The following FAAP100 variants were observed in gnomAD, a reference collection of about 807,000 sequenced individuals.
FAAP100 encodes FA core complex associated protein 100, also known as Fanconi anemia core complex-associated protein 100.
FAAP100 carries 46 observed loss-of-function variants against 65.8 expected under a neutral mutation model. The observed-to-expected ratio is 0.70, with a 90% confidence interval of 0.55 to 0.89. FAAP100 has a LOEUF of 0.89. Among genes scored for constraint, FAAP100 ranks in the 40% least tolerant of loss-of-function variants. FAAP100 has a pLI of 0.00. For missense variants in FAAP100, 1,165 were observed against 1,196.7 expected (o/e 0.97, Z 0.39); for synonymous variants, 663 against 555.1 (o/e 1.19, Z -2.73).
At position 81,549,288 on chromosome 17, in the gene FAAP100, GC is replaced by G; in HGVS notation, c.1320del (p.Met440IlefsTer7). 6.2e-7 allele frequency: 1 copy of G among 1,613,092 alleles called. No individual in the cohort carries two copies. Among genetic ancestry groups the G allele is most frequent in the South Asian group, 1.1e-5 (1 of 91,084 alleles). On this transcript the variant is annotated frameshift_variant, in exon 4 of 9. Transcript: ENST00000327787. LOFTEE classifies it high-confidence loss of function. ...TCTGTGGTCATCCTGGCTGGGCCAG[GC>G]ATCTCAGAGTCCAGGTCCAGGCTGC... ...MTCSLDLDSE[M>X]PGPARMTTES...
In FAAP100 at chr17:81,547,002, C is replaced by T. The variant is rs74818865; in HGVS notation, c.2080G>A (p.Ala694Thr). 49 of 1,526,092 alleles carry T rather than the reference C, an allele frequency of 3.2e-5. No individual in the cohort carries two copies. Among genetic ancestry groups the T allele is most frequent in the Non-Finnish European group, 4.3e-5 (49 of 1,136,680 alleles). 94.5% of individuals were successfully genotyped at this position (1,526,092 alleles called of 1,614,324 possible). ...REPGSQPAGP[A>T]SLRAEYLPPS... The stretch of plus-strand genomic sequence containing the variant: ...GGCAGGTACTCGGCCCGCAGGGAGG[C>T]GGGTCCTGCTGGCTGGCTGCCAGGC... Residue 694 changes from alanine to threonine, a missense_variant, in exon 5 of 9, where the codon GCC (alanine) becomes ACC (threonine). Ala to Thr is a moderately conservative substitution (Grantham distance 58). Coordinates refer to ENST00000327787, the MANE Select transcript of FAAP100 (RefSeq NM_025161.6).
At chr17:81,543,936 G>C in intron 7 of FAAP100, 68 bp downstream of exon 7, 1 of 1,423,992 alleles carries the variant, frequency 7.0e-7, no homozygotes, top group South Asian at 1.2e-5. Flanking sequence ...GCAGCTACAG[G>C]GTCCCATGCA....
Position 81,546,792 on chromosome 17 carries a change from T to G in FAAP100, c.2173+117A>C. 2.7e-6 allele frequency: 3 copies of G among 1,094,492 alleles called. No individual in the cohort carries two copies. In the South Asian group the frequency reaches 9.9e-5, roughly 36 times the overall value. The allele number at this position is 1,094,492 out of a possible 1,614,324, so 67.8% of individuals were successfully genotyped here. A position where few individuals can be genotyped will look rare whatever the true frequency, so the allele number is the denominator to read the frequency against. On this transcript the variant is annotated intron_variant, in intron 5 of 8. Transcript: ENST00000327787. Reference sequence around the variant, plus strand: ...TCAATTGAGGCCAGGAGCTCGAGGCTGCAGTGAGCCATGATTGCACCACTG... The same window carrying G: ...TCAATTGAGGCCAGGAGCTCGAGGCGGCAGTGAGCCATGATTGCACCACTG...
chr17:81,551,753 T>C (rs2033503488), intron 2 of FAAP100, 175 bp downstream of exon 2: 11 of 1,365,648 alleles, frequency 8.1e-6, no homozygotes, highest in Admixed American at 3.8e-5. Context: ...AGCAAGACAC[T>C]TGCAGAAAGA....
intron 3 of FAAP100, 62 bp from the exon 4 acceptor site, chr17:81,549,424 G>C (rs77575114): frequency 9.1e-6 from 14 of 1,546,292 alleles, no homozygotes; most frequent in Non-Finnish European, 1.1e-5. Context: ...CATGACACTC[G>C]GTGGTGTTTC....
chr17:81,545,947 C>A, intron 5 of FAAP100, 65 bp from the exon 6 acceptor site: 1 of 1,544,022 alleles, frequency 6.5e-7, no homozygotes, highest in Non-Finnish European at 8.7e-7. Flanking sequence ...CCGATCCTAC[C>A]AGGTGGGCAT....
At chr17:81,549,107 C>G in intron 4 of FAAP100, 99 bp downstream of exon 4, 1 of 1,361,824 alleles carries the variant, frequency 7.3e-7, no homozygotes, top group Non-Finnish European at 1.0e-6. Flanking sequence ...GGACCGTTGC[C>G]ACCCGAGGAC....
chr17:81,541,197 A>G (rs913375694), intron 8 of FAAP100, 112 bp downstream of exon 8: 98 of 1,266,844 alleles, frequency 7.7e-5, no homozygotes, highest in Non-Finnish European at 1.0e-4. Context: ...ATGGGAGCGA[A>G]GCCCATGCGC....
At position 81,545,650 on chromosome 17, in the gene FAAP100, C is replaced by G. The variant is rs2033272082; in HGVS notation, c.2310+96G>C. The G allele has an allele frequency of 1.1e-5, 16 of 1,450,898 alleles. No homozygotes were observed. The South Asian group carries it at 2.2e-4, about 20-fold the overall frequency. The allele number at this position is 1,450,898 out of a possible 1,614,324, so 89.9% of individuals were successfully genotyped here. ...AAGCTTGGGAAAAGGCTGCCAGGCC[C>G]CCACCCAGGGTGAGGGGTCCTCCCG... On this transcript the variant is annotated intron_variant, in intron 6 of 8. Transcript: ENST00000327787.
rs1425005033 is a variant in FAAP100, at chr17:81,547,182, C to T, written c.1900G>A (p.Glu634Lys). The T allele has an allele frequency of 7.7e-6, 12 of 1,551,022 alleles. No individual in the cohort carries two copies. The highest frequency in any genetic ancestry group is 3.7e-5 in the South Asian group (3 of 81,588). Residue 634 changes from glutamate (E) to lysine (K), a missense_variant, in exon 5 of 9, where the codon GAG (glutamate) becomes AAG (lysine). Coordinates refer to ENST00000327787, the MANE Select transcript of FAAP100 (RefSeq NM_025161.6). ...AGGGGCAGGCAAACACCCTCTTGCT[C>T]GGGCAGGACGTCGGAGGGGCACTCA... The part of the protein sequence containing the change: ...LDECPSDVLP[E>K]QEGVCLPLSR...
At position 81,547,697 on chromosome 17, in the gene FAAP100, A is replaced by AC; in HGVS notation, c.1404-20dup. Reference sequence around the variant, plus strand: ...AGACACTCTGCGAAGGACAGACATGACCCCCGGGAGCGGGGGGACACCCAC... The same window carrying AC: ...AGACACTCTGCGAAGGACAGACATGACCCCCCGGGAGCGGGGGGACACCCAC... On this transcript the variant is annotated intron_variant, in intron 4 of 8. Transcript: ENST00000327787. 1 of 1,605,266 alleles carries AC rather than the reference A, an allele frequency of 6.2e-7. No homozygotes were observed. Among genetic ancestry groups the AC allele is most frequent in the South Asian group, 1.1e-5 (1 of 90,858 alleles).
chr17:81,552,332 G>C lies in FAAP100; in HGVS notation c.-2C>G. 7.3e-7 allele frequency: 1 copy of C among 1,377,286 alleles called. No homozygotes were observed. Among genetic ancestry groups the C allele is most frequent in the Non-Finnish European group, 9.3e-7 (1 of 1,075,276 alleles). 85.3% of individuals were successfully genotyped at this position (1,377,286 alleles called of 1,614,324 possible). A position where few individuals can be genotyped will look rare whatever the true frequency, so the allele number is the denominator to read the frequency against. ...GACCCGCGGCGCGGCGCCGGCCATC[G>C]TGCGCGCGGGCCCGTCAGAGTGAGA... On this transcript the variant is annotated 5_prime_UTR_variant, in exon 1 of 9. Transcript: ENST00000327787.
Position 81,549,285 on chromosome 17 carries a change from C to G in FAAP100, c.1324G>C (p.Gly442Arg), listed in dbSNP as rs753952377. The change falls in exon 4 of 9, where the codon GGC becomes CGC. Residue 442 changes from glycine to arginine, a missense_variant. Gly to Arg is a moderately radical substitution (Grantham distance 125). Transcript: ENST00000327787. ...CSLDLDSEMP[G>R]PARMTTESAG... ...CTCTCTGTGGTCATCCTGGCTGGGC[C>G]AGGCATCTCAGAGTCCAGGTCCAGG... The G allele has an allele frequency of 2.5e-6, 4 of 1,613,194 alleles. No individual in the cohort carries two copies. Among genetic ancestry groups the G allele is most frequent in the Non-Finnish European group, 3.4e-6 (4 of 1,179,992 alleles).
chr17:81,548,039 T>G lies in FAAP100; in HGVS notation c.1404-361A>C, dbSNP rs916070495. 7.3e-6 allele frequency: 5 copies of G among 686,702 alleles called. No individual in the cohort carries two copies. In the South Asian group the frequency reaches 7.5e-5, roughly 10 times the overall value. The allele number at this position is 686,702 out of a possible 1,614,324, so 42.5% of individuals were successfully genotyped here. A position where few individuals can be genotyped will look rare whatever the true frequency, so the allele number is the denominator to read the frequency against. On this transcript the variant is annotated intron_variant, in intron 4 of 8. Transcript: ENST00000327787. ...GGCCGGGTGGTGCATTACCCCACCC[T>G]TGGCTCCCCAGAATGTTCCTAGTGG...
chr17:81,553,049 C>T (rs2033557330), upstream of FAAP100: 1 of 154,032 alleles, frequency 6.5e-6, no homozygotes, highest in Non-Finnish European at 1.4e-5. Context: ...CAGCTCTCCA[C>T]TTCCTCCAGG....
Position 81,549,041 on chromosome 17 carries a change from G to GAAAAAA in FAAP100, c.1403+159_1403+164dup, listed in dbSNP as rs1163263115. Among the ~76,000 whole-genome samples the GAAAAAA allele has an allele frequency of 6.3e-4, 42 of 66,300 alleles. 2 individuals carry two copies. The highest frequency in any genetic ancestry group is 2.3e-3 in the African/African-American group (38 of 16,494). The allele number at this position is 66,300 out of a possible 152,430, so 43.5% of individuals were successfully genotyped here. A position where few individuals can be genotyped will look rare whatever the true frequency, so the allele number is the denominator to read the frequency against. On this transcript the variant is annotated intron_variant, in intron 4 of 8. Transcript: ENST00000327787. ...GGTGACAGCGTGAGACTCCGTCTCA[G>GAAAAAA]AAAAAAAAAAAAAAAAAAAAAAAAA...
In FAAP100 at chr17:81,540,079, C is replaced by A. The variant is rs984533260; in HGVS notation, c.*740G>T. ...TGGGGGCTGGGGCTCAGGGCCCCCC[C>A]CCGGGCCACAGCGCCACCCTGAGTG... On this transcript the variant is annotated 3_prime_UTR_variant, in exon 9 of 9. Transcript: ENST00000327787. The A allele has an allele frequency of 1.9e-3, 660 of 341,954 alleles. 1 individual carries two copies. Among genetic ancestry groups the A allele is most frequent in the Non-Finnish European group, 2.9e-3 (574 of 196,598 alleles). 21.2% of individuals were successfully genotyped at this position (341,954 alleles called of 1,614,324 possible).
At chr17:81,551,614 C>T (rs1446765719) in intron 2 of FAAP100, 4 of 1,109,928 alleles carry the variant, frequency 3.6e-6, no homozygotes, top group Admixed American at 7.8e-5. Context: ...GCTGTCTCCT[C>T]CCTCCAATAA....
chr17:81,548,799 G>T (rs1329142923), intron 4 of FAAP100, among the ~76,000 whole-genome samples: 1 of 151,528 alleles, frequency 6.6e-6, no homozygotes, highest in African/African-American at 2.4e-5. Context: ...CAGCACTTTG[G>T]GAGGCTGAGG....
Sources: allele counts gnomAD v4.1 joint callset (sites outside exome capture counted in the v4.1 genomes callset), GRCh38; gene constraint gnomAD v4.1.1; transcripts MANE v1.5; gene names NCBI Gene and HGNC (gene_info 2026-07-23, HGNC 2026-07-21).